COL4A1: variants seen among roughly 807,000 people sequenced by gnomAD.
COL4A1 encodes collagen type IV alpha 1 chain.
COL4A1 carries 40 observed loss-of-function variants against 216.6 expected under a neutral mutation model. That is an observed-to-expected ratio of 0.18 (90% CI 0.14 to 0.24). The LOEUF is 0.24. COL4A1 is among the 10% of genes least tolerant of loss of function. COL4A1 has a pLI of 1.00. For missense variants in COL4A1, 1,628 were observed against 2,196.8 expected, an observed-to-expected ratio of 0.74 and a Z score of 5.18; for synonymous variants, 839 against 810.7, an observed-to-expected ratio of 1.03 and a Z score of -0.59.
chr13:110,150,520 C>T (rs752519772), intron 51 of COL4A1, 76 bp from the exon 52 acceptor site: 10 of 1,435,392 alleles, frequency 7.0e-6, no homozygotes, highest in African/African-American at 1.4e-5. Context: ...CTGCCCTGCT[C>T]GGAAATCTCT....
chr13:110,262,072 T>G (rs1297955808), intron 1 of COL4A1, among the ~76,000 whole-genome samples: 1 of 152,176 alleles, frequency 6.6e-6, no homozygotes, highest in Non-Finnish European at 1.5e-5. Flanking sequence ...GGGTGGAGTG[T>G]GGTTTCTTCA....
intron 1 of COL4A1, among the ~76,000 whole-genome samples, chr13:110,263,144 G>T (rs57409672): frequency 6.6e-6 from 1 of 152,162 alleles, no homozygotes; most frequent in Admixed American, 6.5e-5. Flanking sequence ...AATACACAGT[G>T]TATCCTCTCC....
intron 1 of COL4A1, among the ~76,000 whole-genome samples, chr13:110,278,812 C>G (rs1005106135): frequency 5.9e-5 from 9 of 152,194 alleles, no homozygotes; most frequent in African/African-American, 1.9e-4. Flanking sequence ...TCTGCCTAGA[C>G]TGTGGGAATG....
chr13:110,279,489 T>A (rs965509440), intron 1 of COL4A1, among the ~76,000 whole-genome samples: 3 of 152,218 alleles, frequency 2.0e-5, no homozygotes, highest in Non-Finnish European at 4.4e-5. Context: ...TAATGTATTT[T>A]TTTGCTCAGT....
rs1343558337 is a variant in COL4A1, at chr13:110,179,165, T to C, written c.2344+106A>G. On this transcript the variant is annotated intron_variant, in intron 30 of 51. Coordinates refer to ENST00000375820, the MANE Select transcript of COL4A1 (RefSeq NM_001845.6). Reference sequence around the variant, plus strand: ...CTCTAGGCCTCTAAGATTTGCATCGTTCGTTCAACAAATACATATCAAATA... The same window carrying C: ...CTCTAGGCCTCTAAGATTTGCATCGCTCGTTCAACAAATACATATCAAATA... 3.2e-6 allele frequency: 5 copies of C among 1,568,668 alleles called. 1 individual carries two copies. The South Asian group carries it at 3.3e-5, about 10-fold the overall frequency.
At chr13:110,209,315 T>A (rs533967232) in intron 11 of COL4A1, 77 bp downstream of exon 11, 36 of 1,323,058 alleles carry the variant, frequency 2.7e-5, no homozygotes, top group African/African-American at 1.3e-4. Context: ...ACTGAAAGAA[T>A]AAGAAGAGTG....
Position 110,176,480 on chromosome 13 carries a change from G to C in COL4A1, c.3002C>G (p.Pro1001Arg). Residue 1001 changes from proline (P) to arginine (R), a missense_variant, in exon 36 of 52, where the codon CCA becomes CGA. By Grantham distance (103) the Pro-to-Arg change is moderately radical. This residue lies in a region of COL4A1 where 58 missense variants were observed against 132.5 expected (regional missense o/e 0.44). Coordinates refer to ENST00000375820, the MANE Select transcript of COL4A1 (RefSeq NM_001845.6). ...PKGDPGISGT[P>R]GAPGLPGPKG... ...TGGTCCCGGAAGTCCTGGAGCACCTGGGGTTCCACTTATACCTGGATCACC... is the reference window on the plus strand; with the variant it reads ...TGGTCCCGGAAGTCCTGGAGCACCTCGGGTTCCACTTATACCTGGATCACC... The C allele has an allele frequency of 6.2e-7, 1 of 1,614,026 alleles. No individual in the cohort carries two copies.
chr13:110,214,309 CG>C (rs1566380483), intron 2 of COL4A1, among the ~76,000 whole-genome samples: 1 of 152,056 alleles, frequency 6.6e-6, no homozygotes, highest in Non-Finnish European at 1.5e-5. Flanking sequence ...AGGCTGGTCT[CG>C]AACTTCTGAT....
intron 1 of COL4A1, among the ~76,000 whole-genome samples, chr13:110,271,756 C>G (rs1004315716): frequency 3.3e-5 from 5 of 152,158 alleles, no homozygotes; most frequent in Non-Finnish European, 5.9e-5. Flanking sequence ...CCAAAAAGGT[C>G]AGTAGATCAG....
At chr13:110,271,274 G>A (rs947153573) in intron 1 of COL4A1, among the ~76,000 whole-genome samples, 1 of 152,188 alleles carries the variant, frequency 6.6e-6, no homozygotes, top group African/African-American at 2.4e-5. Context: ...GGATAGTCAC[G>A]TTACGGTGCA....
At chr13:110,282,237 A>T (rs1295820719) in intron 1 of COL4A1, among the ~76,000 whole-genome samples, 1 of 152,202 alleles carries the variant, frequency 6.6e-6, no homozygotes, top group Non-Finnish European at 1.5e-5. Flanking sequence ...AGTGGAGAAA[A>T]GTCCTTGACC....
At chr13:110,274,785 C>T (rs940644245) in intron 1 of COL4A1, among the ~76,000 whole-genome samples, 3 of 152,168 alleles carry the variant, frequency 2.0e-5, no homozygotes, top group African/African-American at 7.2e-5. Flanking sequence ...AATTGAACCT[C>T]CCTGTCATGT....
intron 1 of COL4A1, among the ~76,000 whole-genome samples, chr13:110,297,516 AAATTT>A (rs1166483351): frequency 1.3e-5 from 2 of 152,176 alleles, no homozygotes; most frequent in African/African-American, 4.8e-5. Context: ...TTGGGCAAAT[AAATTT>A]ATTTTTATTA....
intron 18 of COL4A1, 126 bp from the exon 19 acceptor site, chr13:110,201,648 C>A (rs1376870411): frequency 2.2e-6 from 2 of 891,782 alleles, no homozygotes; most frequent in South Asian, 2.6e-5. Context: ...AGTGAAGTAG[C>A]AGCAATGGTA....
At chr13:110,242,929 T>C (rs992239710) in intron 1 of COL4A1, among the ~76,000 whole-genome samples, 195 bp from the exon 2 acceptor site, 9 of 151,252 alleles carry the variant, frequency 6.0e-5, no homozygotes, top group Admixed American at 1.3e-4. Context: ...CCTGCCCAAA[T>C]AGATAAAAAA....
At chr13:110,240,095 A>G (rs990666934) in intron 2 of COL4A1, among the ~76,000 whole-genome samples, 3 of 152,230 alleles carry the variant, frequency 2.0e-5, no homozygotes, top group African/African-American at 7.2e-5. Flanking sequence ...CTAGGCCTAG[A>G]CTTCAAGAGG....
intron 2 of COL4A1, among the ~76,000 whole-genome samples, chr13:110,231,774 T>C (rs1881077402): frequency 3.3e-5 from 5 of 151,880 alleles, no homozygotes; most frequent in Admixed American, 6.6e-5. Flanking sequence ...CCTTTACCAA[T>C]CTTCTAGGGA....
At chr13:110,152,874 G>A (rs1241471976) in intron 50 of COL4A1, among the ~76,000 whole-genome samples, 6 of 152,208 alleles carry the variant, frequency 3.9e-5, no homozygotes, top group African/African-American at 1.2e-4. Context: ...AAATAATGTT[G>A]TAAACAACTG....
chr13:110,181,370 T>C lies in COL4A1; in HGVS notation c.2115A>G (p.Gly705=). 1 of 1,612,870 alleles carries C rather than the reference T, an allele frequency of 6.2e-7. No individual in the cohort carries two copies. Among genetic ancestry groups the C allele is most frequent in the East Asian group, 2.2e-5 (1 of 44,838 alleles). Residue 705 remains glycine, a synonymous_variant, in exon 29 of 52, where the codon GGA becomes GGG. Coordinates refer to ENST00000375820, the MANE Select transcript of COL4A1 (RefSeq NM_001845.6). The part of the protein sequence containing the change: ...PGPKGVDGLP[G]DMGPPGTPGR... ...CTGGAGTCCCCGGTGGCCCCATGTC[T>C]CCAGGTAAGCCGTCAACACCTGTTT...
Sources: gnomAD v4.1 joint callset for allele counts (sites outside exome capture counted in the v4.1 genomes callset) on GRCh38, gnomAD v4.1.1 for gene constraint, gnomAD v4.1.1 regional missense constraint, MANE v1.5 for transcripts, NCBI Gene and HGNC (gene_info 2026-07-23, HGNC 2026-07-21) for gene names.